DNAJB12: variants seen among roughly 807,000 people sequenced by gnomAD.
DNAJB12 encodes the protein dnaJ homolog subfamily B member 12.
DNAJB12 carries 14 observed loss-of-function variants against 40.6 expected under a neutral mutation model. The observed-to-expected ratio is 0.34, with a 90% confidence interval of 0.23 to 0.54. The LOEUF (loss-of-function observed/expected upper bound fraction) is 0.54. DNAJB12 is among the 20% of genes least tolerant of loss of function. The probability of loss-of-function intolerance (pLI) is 0.92; values close to 1 mark genes in which losing one functional copy is unlikely to be tolerated. For missense variants in DNAJB12, 444 were observed against 501.7 expected, an observed-to-expected ratio of 0.89 and a Z score of 1.10; for synonymous variants, 181 against 199.5, an observed-to-expected ratio of 0.91 and a Z score of 0.78.
chr10:72,348,206 A>T (rs369369258), intron 1 of DNAJB12, among the ~76,000 whole-genome samples: 18 of 152,314 alleles, frequency 1.2e-4, no homozygotes, highest in African/African-American at 3.8e-4. Flanking sequence ...TGGGCAACAG[A>T]GCAAGACTCC....
At chr10:72,352,596 C>A (rs12098350) in intron 1 of DNAJB12, among the ~76,000 whole-genome samples, 11,365 of 152,116 alleles carry the variant, frequency 0.075, 869 homozygotes, top group African/African-American at 0.2. Context: ...GATGATGGGG[C>A]CTGATTTTTT....
At chr10:72,336,827 G>GC in intron 6 of DNAJB12, 131 bp from the exon 7 acceptor site, 1 of 695,446 alleles carries the variant, frequency 1.4e-6, no homozygotes, top group Non-Finnish European at 2.4e-6. Flanking sequence ...ACCAGAGCAG[G>GC]GACCCGCACA....
chr10:72,340,293 G>A (rs555898126), intron 5 of DNAJB12, among the ~76,000 whole-genome samples: 39 of 152,066 alleles, frequency 2.6e-4, no homozygotes, highest in Admixed American at 7.2e-4. Context: ...GCAGTGAGCC[G>A]AGATCGCGCC....
chr10:72,334,847 A>G (rs1861423590), intron 8 of DNAJB12: 1 of 1,344,574 alleles, frequency 7.4e-7, no homozygotes, highest in African/African-American at 1.5e-5. Flanking sequence ...CAGGCAAAGG[A>G]GGGGGTGGGC....
At chr10:72,354,172 G>A (rs949920214) in intron 1 of DNAJB12, 1 of 152,394 alleles carries the variant, frequency 6.6e-6, no homozygotes, top group South Asian at 2.0e-4. Context: ...ATCGGGAGGA[G>A]TGAGGGGCCC....
At position 72,335,595 on chromosome 10, in the gene DNAJB12, A is replaced by G; in HGVS notation, c.*30+185T>C. ...GGAGGACAGCATCGCTAGAGGGCGG[A>G]AACCGACCTTGGTTTCCCAGCAGGC... On this transcript the variant is annotated intron_variant, in intron 8 of 8. Coordinates refer to ENST00000444643, the MANE Select transcript of DNAJB12 (RefSeq NM_017626.7). This position sits in a 1 kb window ranked among gnomAD's most constrained non-coding sequence, Gnocchi z 4.4. 1 of 1,385,216 alleles carries G rather than the reference A, an allele frequency of 7.2e-7. No individual in the cohort carries two copies. 85.8% of individuals were successfully genotyped at this position (1,385,216 alleles called of 1,614,324 possible). A position where few individuals can be genotyped will look rare whatever the true frequency, so the allele number is the denominator to read the frequency against.
At chr10:72,354,676 C>A in intron 1 of DNAJB12, 89 bp downstream of exon 1, 1 of 1,235,994 alleles carries the variant, frequency 8.1e-7, no homozygotes, top group Admixed American at 2.2e-5. Context: ...CGCCACCCCT[C>A]CCCCTCCCCC....
intron 1 of DNAJB12, among the ~76,000 whole-genome samples, chr10:72,345,907 A>C: frequency 6.6e-6 from 1 of 151,680 alleles, no homozygotes. Context: ...AAAAAAAAAA[A>C]AAAAAAAGTA....
intron 6 of DNAJB12, 43 bp downstream of exon 6, chr10:72,338,159 A>T: frequency 6.4e-7 from 1 of 1,551,400 alleles, no homozygotes. Context: ...GAGAATTTAA[A>T]GCCCCTTGTC....
intron 1 of DNAJB12, among the ~76,000 whole-genome samples, chr10:72,347,873 A>G (rs772372036): frequency 6.6e-6 from 1 of 151,486 alleles, no homozygotes; most frequent in Non-Finnish European, 1.5e-5. Context: ...AAATCATGCC[A>G]TTGCACTCCA....
In DNAJB12 at chr10:72,335,612, C is replaced by A; in HGVS notation, c.*30+168G>T. The A allele has an allele frequency of 7.2e-7, 1 of 1,396,114 alleles. No individual in the cohort carries two copies. The highest frequency in any genetic ancestry group is 9.3e-7 in the Non-Finnish European group (1 of 1,075,488). The allele number at this position is 1,396,114 out of a possible 1,614,324, so 86.5% of individuals were successfully genotyped here. A position where few individuals can be genotyped will look rare whatever the true frequency, so the allele number is the denominator to read the frequency against. ...GAGGGCGGAAACCGACCTTGGTTTC[C>A]CAGCAGGCCCCACAGCTGCTCGGTC... is the stretch of plus-strand genomic sequence containing the variant. On this transcript the variant is annotated intron_variant, in intron 8 of 8. Transcript: ENST00000444643. This position sits in a 1 kb window ranked among gnomAD's most constrained non-coding sequence, Gnocchi z 4.4.
intron 1 of DNAJB12, among the ~76,000 whole-genome samples, chr10:72,348,136 C>T (rs1004310371): frequency 1.3e-5 from 2 of 151,454 alleles, no homozygotes; most frequent in Admixed American, 1.3e-4. Flanking sequence ...GGCACAGAAT[C>T]GCTTGAACCC....
intron 5 of DNAJB12, 102 bp downstream of exon 5, chr10:72,340,687 C>A: frequency 8.4e-7 from 1 of 1,195,130 alleles, no homozygotes; most frequent in Non-Finnish European, 1.2e-6. Flanking sequence ...CTCTGCTGGT[C>A]CCAGAATGGA....
rs1861409128 is a variant in DNAJB12, at chr10:72,334,443, T to C, written c.*205A>G. The C allele has an allele frequency of 9.5e-7, 1 of 1,054,788 alleles. No individual in the cohort carries two copies. Among genetic ancestry groups the C allele is most frequent in the Non-Finnish European group, 1.4e-6 (1 of 717,378 alleles). 65.3% of individuals were successfully genotyped at this position (1,054,788 alleles called of 1,614,324 possible). ...GGAGGGAAGCAGCCCCATGGCAGGT[T>C]TTCTGTCTGTCCTAAGAGCTTTCTG... On this transcript the variant is annotated 3_prime_UTR_variant, in exon 9 of 9. Coordinates refer to ENST00000444643, the MANE Select transcript of DNAJB12 (RefSeq NM_017626.7).
At chr10:72,350,905 G>A (rs59845420) in intron 1 of DNAJB12, among the ~76,000 whole-genome samples, 11,370 of 152,148 alleles carry the variant, frequency 0.075, 872 homozygotes, top group African/African-American at 0.2. Context: ...CCCGGACCTC[G>A]CCAGCACCAG....
chr10:72,349,930 C>A (rs1003873896), intron 1 of DNAJB12, among the ~76,000 whole-genome samples: 6 of 152,058 alleles, frequency 3.9e-5, no homozygotes, highest in Admixed American at 3.9e-4. Context: ...CCTCATGGCA[C>A]AGAGGCTGAC....
intron 1 of DNAJB12, chr10:72,353,708 C>T (rs1463751176): frequency 6.6e-6 from 1 of 152,262 alleles, no homozygotes; most frequent in Non-Finnish European, 1.5e-5. Context: ...GAAGGAGCTT[C>T]CTAAACTGCA....
In DNAJB12 at chr10:72,340,851, T is replaced by C. The variant is rs199593350; in HGVS notation, c.661A>G (p.Ser221Gly). 9 of 1,614,152 alleles carry C rather than the reference T, an allele frequency of 5.6e-6. No homozygotes were observed. The African/African-American group carries it at 8.0e-5, about 14-fold the overall frequency. The change falls in exon 5 of 9, where the codon AGC becomes GGC. Residue 221 changes from serine (S) to glycine (G), a missense_variant. Transcript: ENST00000444643. ...GFPSSNVHVY[S>G]NGRMRYTYQQ... ...TAGGTATAGCGCATGCGGCCGTTGC[T>C]GTAGACGTGGACGTTACCTGGGGGT...
intron 1 of DNAJB12, chr10:72,354,213 G>C (rs1382746499): frequency 6.5e-6 from 1 of 153,030 alleles, no homozygotes; most frequent in African/African-American, 2.4e-5. Context: ...CGGCGGACTG[G>C]GGTGGGTGCA....
Sources: gnomAD v4.1 joint callset for allele counts (sites outside exome capture counted in the v4.1 genomes callset) on GRCh38, gnomAD v4.1.1 for gene constraint, Gnocchi (gnomAD v3.1) non-coding constraint, MANE v1.5 for transcripts, NCBI Gene and HGNC (gene_info 2026-07-23, HGNC 2026-07-21) for gene names.